SULT1E1: variants seen among roughly 807,000 people sequenced by gnomAD.
SULT1E1 encodes the protein sulfotransferase family 1E member 1.
In SULT1E1, 36 loss-of-function variants were observed where a neutral mutation model predicts 33.6. The ratio of observed to expected loss-of-function variants is 1.07; its 90% CI spans 0.82 to 1.41. The LOEUF is 1.41. Among genes scored for constraint, SULT1E1 ranks in the 40% most tolerant of loss-of-function variants. SULT1E1 has a pLI of 0.00. For synonymous variants in SULT1E1, 121 were observed against 111.7 expected, an observed-to-expected ratio of 1.08 and a Z score of -0.53; for missense variants, 371 against 345.7, an observed-to-expected ratio of 1.07 and a Z score of -0.58.
rs750534499 is a variant in SULT1E1 at position 69,847,729 on chromosome 4, A to C, written c.560T>G (p.Val187Gly). ...SWWEKGKSPR[V>G]LFLFYEDLKE... ...CAGGTCTTCGTAGAAAAGAAATAGT[A>C]CACGTGGACTCTTTCCCTTTTCCCA... is the stretch of plus-strand genomic sequence containing the variant. The change falls in exon 6 of 8, where the codon GTA becomes GGA. Residue 187 changes from valine (V) to glycine (G), a missense_variant. Physicochemically the swap from Val to Gly is moderately radical, Grantham distance 109. Transcript: ENST00000226444. 3.1e-6 allele frequency: 5 copies of C among 1,608,252 alleles called. No individual in the cohort carries two copies. The highest frequency in any genetic ancestry group is 4.3e-6 in the Non-Finnish European group (5 of 1,176,446).
At chr4:69,821,748 A>G in the SULT1E1 span, among the ~76,000 whole-genome samples, 5 of 152,324 alleles carry the variant, frequency 3.3e-5, no homozygotes, top group African/African-American at 1.2e-4. Context: ...CAATGTAACC[A>G]TGGTTATATT....
the SULT1E1 span, among the ~76,000 whole-genome samples, chr4:69,822,973 T>C: frequency 1.3e-5 from 2 of 152,216 alleles, no homozygotes; most frequent in African/African-American, 4.8e-5. Flanking sequence ...GTGCTGAGTA[T>C]ATCCATAATT....
At chr4:69,857,676 T>C (rs1721272969) in intron 1 of SULT1E1, 23 bp from the exon 2 acceptor site, 1 of 1,563,160 alleles carries the variant, frequency 6.4e-7, no homozygotes, top group Non-Finnish European at 8.6e-7. Context: ...CTCTGCTTTA[T>C]ACTTTGTATG....
intron 7 of SULT1E1, among the ~76,000 whole-genome samples, chr4:69,842,672 T>C (rs1720904367): frequency 6.6e-6 from 1 of 152,194 alleles, no homozygotes; most frequent in African/African-American, 2.4e-5. Context: ...ATCTAATTCA[T>C]TATATTCAGG....
At chr4:69,838,747 G>T (rs935501287), downstream of SULT1E1, among the ~76,000 whole-genome samples, 25 of 152,250 alleles carry the variant, frequency 1.6e-4, no homozygotes, top group African/African-American at 5.8e-4. Flanking sequence ...GACATAGAAG[G>T]TGATCTGCCT....
downstream of SULT1E1, among the ~76,000 whole-genome samples, chr4:69,837,947 T>C (rs1343315486): frequency 6.6e-6 from 1 of 152,242 alleles, no homozygotes; most frequent in Non-Finnish European, 1.5e-5. Flanking sequence ...GAGTATTTTA[T>C]TATATGTGTA....
chr4:69,839,022 T>A (rs1430724649), downstream of SULT1E1, among the ~76,000 whole-genome samples: 2 of 152,218 alleles, frequency 1.3e-5, no homozygotes, highest in African/African-American at 2.4e-5. Flanking sequence ...TCAGGCATAG[T>A]CTCATACTAC....
the SULT1E1 span, among the ~76,000 whole-genome samples, chr4:69,824,685 C>A: frequency 2.0e-5 from 3 of 152,134 alleles, no homozygotes; most frequent in East Asian, 3.9e-4. Context: ...TGTAAATGCA[C>A]CAATCAGCAC....
chr4:69,821,178 A>C, the SULT1E1 span, among the ~76,000 whole-genome samples: 2 of 152,306 alleles, frequency 1.3e-5, no homozygotes, highest in East Asian at 3.9e-4. Flanking sequence ...ATCAGTTAAA[A>C]CACTGTTTTT....
intron 7 of SULT1E1, among the ~76,000 whole-genome samples, chr4:69,843,431 G>T (rs1560553785): frequency 6.6e-6 from 1 of 152,046 alleles, no homozygotes; most frequent in African/African-American, 2.4e-5. Flanking sequence ...GTTCTGTTTT[G>T]TTTTTTTCCC....
chr4:69,839,480 A>G (rs1257621525), downstream of SULT1E1, among the ~76,000 whole-genome samples: 1 of 152,230 alleles, frequency 6.6e-6, no homozygotes, highest in Non-Finnish European at 1.5e-5. Flanking sequence ...TGAGTTTTCA[A>G]TACATAAACT....
At chr4:69,847,071 T>C (rs1478794250) in intron 6 of SULT1E1, among the ~76,000 whole-genome samples, 1 of 151,778 alleles carries the variant, frequency 6.6e-6, no homozygotes, top group Admixed American at 6.6e-5. Context: ...AGCCTATTTA[T>C]CTCACTGTGC....
chr4:69,837,006 C>G (rs1369132666), downstream of SULT1E1, among the ~76,000 whole-genome samples: 1 of 151,786 alleles, frequency 6.6e-6, no homozygotes, highest in Non-Finnish European at 1.5e-5. Context: ...TGAAATAAGC[C>G]CAGGAGTTTG....
At chr4:69,824,063 G>C in the SULT1E1 span, among the ~76,000 whole-genome samples, 1 of 152,156 alleles carries the variant, frequency 6.6e-6, no homozygotes, top group Non-Finnish European at 1.5e-5. Context: ...AAGTTATTCA[G>C]GGATTTTCAT....
chr4:69,854,422 A>T lies in SULT1E1; in HGVS notation c.272-108T>A, dbSNP rs543233024. 114 of 693,016 alleles carry T rather than the reference A, an allele frequency of 1.6e-4. No homozygotes were observed. In the African/African-American group the frequency reaches 1.9e-3, roughly 11 times the overall value. 42.9% of individuals were successfully genotyped at this position (693,016 alleles called of 1,614,324 possible). A position where few individuals can be genotyped will look rare whatever the true frequency, so the allele number is the denominator to read the frequency against. ...AAGTAATTCTAAGATTCTATATTGT[A>T]ATTAGATTGTGTGTAACACAAAGTA... On this transcript the variant is annotated intron_variant, in intron 3 of 7. Transcript: ENST00000226444.
chr4:69,847,648 G>T, intron 6 of SULT1E1, 50 bp downstream of exon 6: 1 of 1,203,476 alleles, frequency 8.3e-7, no homozygotes. Context: ...ATTTTCAAAT[G>T]CTAACATCTT....
intron 4 of SULT1E1, among the ~76,000 whole-genome samples, chr4:69,850,225 T>TA (rs758044174): frequency 1.4e-4 from 21 of 152,074 alleles, no homozygotes; most frequent in Non-Finnish European, 2.8e-4. Flanking sequence ...ATTTTTGACC[T>TA]AAATGTTTTC....
At chr4:69,848,503 G>T (rs1267497738) in intron 5 of SULT1E1, among the ~76,000 whole-genome samples, 2 of 151,744 alleles carry the variant, frequency 1.3e-5, no homozygotes, top group South Asian at 2.1e-4. Context: ...TCTGTTCTTT[G>T]ACTCCATTAG....
chr4:69,850,190 G>C (rs538043499), intron 4 of SULT1E1, among the ~76,000 whole-genome samples: 1 of 152,042 alleles, frequency 6.6e-6, no homozygotes, highest in South Asian at 2.1e-4. Context: ...TTCTAGTTTT[G>C]GCAGTAAGAA....
Sources: allele counts gnomAD v4.1 joint callset (sites outside exome capture counted in the v4.1 genomes callset), GRCh38; gene constraint gnomAD v4.1.1; transcripts MANE v1.5; gene names NCBI Gene and HGNC (gene_info 2026-07-23, HGNC 2026-07-21).